The following SLC4A5 variants were observed in gnomAD, a reference collection of about 807,000 sequenced individuals.
SLC4A5 encodes solute carrier family 4 member 5.
Under a neutral mutation model 120.4 loss-of-function variants are expected in SLC4A5, and 96 were observed. The observed-to-expected ratio is 0.80, with a 90% CI of 0.68 to 0.94. The LOEUF (loss-of-function observed/expected upper bound fraction) is 0.94. Among genes scored for constraint, SLC4A5 ranks in the 40% least tolerant of loss-of-function variants. The probability of loss-of-function intolerance (pLI) is 0.00; values close to 1 mark genes in which losing one functional copy is unlikely to be tolerated. For synonymous variants in SLC4A5, 550 were observed against 571.1 expected, an observed-to-expected ratio of 0.96 and a Z score of 0.53; for missense variants, 1,259 against 1,459.5, an observed-to-expected ratio of 0.86 and a Z score of 2.24.
chr2:74,291,947 A>T (rs1672185391), intron 7 of SLC4A5, among the ~76,000 whole-genome samples: 1 of 152,146 alleles, frequency 6.6e-6, no homozygotes, highest in Non-Finnish European at 1.5e-5. Context: ...TACCCAAAAA[A>T]AGATGGCCAA....
At chr2:74,269,947 C>G (rs1158273346) in intron 8 of SLC4A5, among the ~76,000 whole-genome samples, 2 of 152,244 alleles carry the variant, frequency 1.3e-5, no homozygotes, top group Non-Finnish European at 2.9e-5. Flanking sequence ...CTCTCCACCT[C>G]TCAGGACTTC....
intron 21 of SLC4A5, among the ~76,000 whole-genome samples, chr2:74,237,972 G>C (rs1016939948): frequency 9.9e-5 from 15 of 152,090 alleles, no homozygotes; most frequent in Admixed American, 8.5e-4. Context: ...TGTGGTGGCA[G>C]GCGCCTGTAG....
chr2:74,262,835 TGACCTTAG>T (rs1283411695), intron 10 of SLC4A5, among the ~76,000 whole-genome samples: 1 of 152,328 alleles, frequency 6.6e-6, no homozygotes, highest in East Asian at 1.9e-4. Context: ...AATGGCTTTG[TGACCTTAG>T]GCAAGTTACT....
At chr2:74,221,605 C>G in intron 29 of SLC4A5, 104 bp from the exon 30 acceptor site, 1 of 1,149,634 alleles carries the variant, frequency 8.7e-7, no homozygotes, top group Non-Finnish European at 1.3e-6. Context: ...AACCCTAGAG[C>G]CAACACTATG....
intron 4 of SLC4A5, among the ~76,000 whole-genome samples, chr2:74,330,524 G>T (rs918343039): frequency 1.0e-4 from 15 of 150,106 alleles, no homozygotes; most frequent in East Asian, 2.0e-4. Flanking sequence ...GAGGTGGTGA[G>T]GTCTAGATGG....
At chr2:74,281,113 G>A (rs144130924) in intron 8 of SLC4A5, among the ~76,000 whole-genome samples, 1 of 152,330 alleles carries the variant, frequency 6.6e-6, no homozygotes, top group African/African-American at 2.4e-5. Flanking sequence ...AAAACATACT[G>A]ATCTGGTTTG....
chr2:74,252,083 C>T, intron 16 of SLC4A5, 96 bp downstream of exon 16: 1 of 1,313,224 alleles, frequency 7.6e-7, no homozygotes. Flanking sequence ...CTCGAGTGGG[C>T]ACTACAGACC....
intron 29 of SLC4A5, among the ~76,000 whole-genome samples, chr2:74,222,185 A>G (rs1694673863): frequency 6.6e-6 from 1 of 152,048 alleles, no homozygotes; most frequent in African/African-American, 2.4e-5. Context: ...GCCCTCAACC[A>G]TTTCAACAGC....
At chr2:74,290,240 T>G in intron 7 of SLC4A5, 6 of 985,470 alleles carry the variant, frequency 6.1e-6, no homozygotes, top group Non-Finnish European at 7.2e-6. Flanking sequence ...GCCTGGGGCA[T>G]TACCTGCTCC....
intron 8 of SLC4A5, among the ~76,000 whole-genome samples, chr2:74,267,901 C>A (rs1671353722): frequency 6.6e-6 from 1 of 152,050 alleles, no homozygotes; most frequent in African/African-American, 2.4e-5. Context: ...GGGAGGATCA[C>A]TTGAGCCTGG....
At chr2:74,227,571 A>G in intron 26 of SLC4A5, 1 of 1,600,530 alleles carries the variant, frequency 6.2e-7, no homozygotes, top group Non-Finnish European at 8.6e-7. Flanking sequence ...CCATCTGTAA[A>G]ATGGGGATCA....
intron 12 of SLC4A5, among the ~76,000 whole-genome samples, chr2:74,258,781 T>C (rs141606574): frequency 2.3e-4 from 35 of 152,320 alleles, no homozygotes; most frequent in African/African-American, 8.2e-4. Context: ...ATTTTGTTAC[T>C]GTTGTTATTA....
At chr2:74,279,491 C>A (rs781531880) in intron 8 of SLC4A5, among the ~76,000 whole-genome samples, 2 of 152,142 alleles carry the variant, frequency 1.3e-5, no homozygotes, top group African/African-American at 2.4e-5. Flanking sequence ...CCTGCAAATA[C>A]TGAAGTTCCT....
exon 31 of SLC4A5, chr2:74,217,055 G>A (rs1461936634): frequency 1.3e-5 from 2 of 152,206 alleles, no homozygotes; most frequent in Non-Finnish European, 2.9e-5. Context: ...CTTATTGAGA[G>A]CTTTCTATGG....
intron 3 of SLC4A5, among the ~76,000 whole-genome samples, chr2:74,334,675 C>T (rs1322647879): frequency 6.6e-6 from 1 of 151,980 alleles, no homozygotes; most frequent in African/African-American, 2.4e-5. Context: ...TAGAGCCTGG[C>T]TCATAAATGA....
chr2:74,232,938 C>T (rs969610178), intron 23 of SLC4A5, among the ~76,000 whole-genome samples: 1 of 152,170 alleles, frequency 6.6e-6, no homozygotes, highest in Non-Finnish European at 1.5e-5. Context: ...AGGGTCTTTG[C>T]GGTTCCTGAG....
chr2:74,242,230 GA>G (rs1670471639), intron 19 of SLC4A5, among the ~76,000 whole-genome samples, 178 bp from the exon 20 acceptor site: 1 of 152,192 alleles, frequency 6.6e-6, no homozygotes, highest in Non-Finnish European at 1.5e-5. Flanking sequence ...TGGTGGGACA[GA>G]GCCTGGGCCA....
chr2:74,304,470 T>G lies in SLC4A5; in HGVS notation c.271+19A>C. 1.3e-6 allele frequency: 2 copies of G among 1,591,720 alleles called. No homozygotes were observed. Among genetic ancestry groups the G allele is most frequent in the Non-Finnish European group, 8.6e-7 (1 of 1,168,442 alleles). ...ACCAGCAGGATGGCTCCCCAGAATG[T>G]ACCCCTCAAGGAACTCACGAGTCCT... On this transcript the variant is annotated intron_variant, in intron 7 of 30. Transcript: ENST00000394019.
At chr2:74,222,979 A>G (rs762827480) in intron 28 of SLC4A5, 27 bp from the exon 29 acceptor site, 31 of 1,484,252 alleles carry the variant, frequency 2.1e-5, no homozygotes, top group Non-Finnish European at 2.8e-5. Flanking sequence ...GGAAAAGAGG[A>G]TAAACACCAA....
Sources: allele counts gnomAD v4.1 joint callset (sites outside exome capture counted in the v4.1 genomes callset), GRCh38; gene constraint gnomAD v4.1.1; transcripts MANE v1.5; gene names NCBI Gene and HGNC (gene_info 2026-07-23, HGNC 2026-07-21).